HORMAD2: variants seen among roughly 807,000 people sequenced by gnomAD.
HORMAD2 encodes HORMA domain containing 2, also known as HORMA domain-containing protein 2.
In HORMAD2, 45 loss-of-function variants were observed where a neutral mutation model predicts 38.8. The observed-to-expected ratio is 1.16, with a 90% CI of 0.91 to 1.49. The LOEUF (loss-of-function observed/expected upper bound fraction) is 1.49. Ranked by LOEUF, HORMAD2 falls within the 40% of genes most tolerant of loss-of-function variation. The pLI is 0.00. For missense variants in HORMAD2, 338 were observed against 367.0 expected (o/e 0.92, Z 0.65); for synonymous variants, 126 against 122.8 (o/e 1.03, Z -0.17).
chr22:30,178,203 A>G (rs1410686224), downstream of HORMAD2, among the ~76,000 whole-genome samples: 1 of 152,242 alleles, frequency 6.6e-6, no homozygotes, highest in East Asian at 1.9e-4. Flanking sequence ...CATAATCTGT[A>G]TTTGTGATAG....
Position 30,176,045 on chromosome 22 carries a change from C to T in HORMAD2, c.820-18C>T, listed in dbSNP as rs777029265. On this transcript the variant is annotated intron_variant, in intron 10 of 10. Transcript: ENST00000336726. ...AAAATCTCTGCTGAATTGTGCCTCT[C>T]TCTGGTGATTCTCACAGATTCAAAG... 49 of 1,548,212 alleles carry T rather than the reference C, an allele frequency of 3.2e-5. 1 individual carries two copies. The South Asian group carries it at 5.5e-4, about 17-fold the overall frequency.
chr22:30,125,175 T>C (rs1164035233), intron 10 of HORMAD2, among the ~76,000 whole-genome samples: 4 of 151,448 alleles, frequency 2.6e-5, no homozygotes, highest in Non-Finnish European at 5.9e-5. Context: ...GCAATATTTT[T>C]TTCATGTTTG....
Position 30,127,623 on chromosome 22 carries a change from G to A in HORMAD2, c.819+5409G>A, listed in dbSNP as rs564222959. On this transcript the variant is annotated intron_variant, in intron 10 of 10. Coordinates refer to ENST00000336726, the MANE Select transcript of HORMAD2 (RefSeq NM_152510.4). ...CTCCTCAAGTGCTGGGATTATAGGC[G>A]TGAGCCATCACGCCTGGCACATCTT... Among the ~76,000 whole-genome samples the A allele has an allele frequency of 8.1e-4, 124 of 152,320 alleles. 1 individual carries two copies. The highest frequency in any genetic ancestry group is 4.3e-3 in the South Asian group (21 of 4,830).
intron 10 of HORMAD2, among the ~76,000 whole-genome samples, chr22:30,169,984 G>A (rs372535030): frequency 1.3e-4 from 20 of 152,146 alleles, no homozygotes; most frequent in South Asian, 2.1e-4. Flanking sequence ...CTTCATTTAC[G>A]TTAATAGCAT....
intron 10 of HORMAD2, among the ~76,000 whole-genome samples, chr22:30,123,462 G>A (rs999324918): frequency 6.6e-6 from 1 of 151,940 alleles, no homozygotes; most frequent in African/African-American, 2.4e-5. Context: ...TCGAGTAGCT[G>A]GGACTATAGG....
At chr22:30,154,411 G>C (rs1377609134) in intron 10 of HORMAD2, among the ~76,000 whole-genome samples, 1 of 152,116 alleles carries the variant, frequency 6.6e-6, no homozygotes, top group Non-Finnish European at 1.5e-5. Flanking sequence ...TATCACTCCT[G>C]TATACTGTAC....
At chr22:30,092,615 A>G (rs1485884975) in intron 1 of HORMAD2, among the ~76,000 whole-genome samples, 2 of 152,072 alleles carry the variant, frequency 1.3e-5, no homozygotes, top group African/African-American at 2.4e-5. Context: ...CCTGTGTTTT[A>G]TAATTTTGAG....
At chr22:30,110,488 C>A (rs2046788909) in intron 5 of HORMAD2, among the ~76,000 whole-genome samples, 1 of 149,870 alleles carries the variant, frequency 6.7e-6, no homozygotes, top group Admixed American at 6.7e-5. Context: ...CAGGTTCAAG[C>A]AATTCTCCTG....
chr22:30,200,991 C>T, the HORMAD2 span, among the ~76,000 whole-genome samples: 1 of 152,050 alleles, frequency 6.6e-6, no homozygotes, highest in Non-Finnish European at 1.5e-5. Context: ...CTCAGGTGAT[C>T]CGCCCACCTC....
At chr22:30,135,624 C>G (rs1438712633) in intron 10 of HORMAD2, among the ~76,000 whole-genome samples, 1 of 152,238 alleles carries the variant, frequency 6.6e-6, no homozygotes, top group Admixed American at 6.5e-5. Flanking sequence ...CTTAACAATT[C>G]CCAGAGCTCT....
chr22:30,125,836 T>C (rs972108512), intron 10 of HORMAD2, among the ~76,000 whole-genome samples: 21 of 152,172 alleles, frequency 1.4e-4, no homozygotes, highest in Non-Finnish European at 2.9e-5. Flanking sequence ...TCAATAAATA[T>C]TCACAAACTG....
chr22:30,126,216 T>C (rs1253314133), intron 10 of HORMAD2, among the ~76,000 whole-genome samples: 1 of 151,812 alleles, frequency 6.6e-6, no homozygotes, highest in East Asian at 1.9e-4. Context: ...CAGGCTGGAG[T>C]GCAGTGGTGC....
the HORMAD2 span, among the ~76,000 whole-genome samples, chr22:30,197,622 A>C: frequency 6.6e-6 from 1 of 152,212 alleles, no homozygotes; most frequent in African/African-American, 2.4e-5. Context: ...AATCTCAGAT[A>C]CAATTACTTT....
intron 8 of HORMAD2, among the ~76,000 whole-genome samples, chr22:30,119,368 A>G (rs575532172): frequency 6.6e-6 from 1 of 152,338 alleles, no homozygotes; most frequent in Admixed American, 6.5e-5. Context: ...ATGCCTAGAT[A>G]GCGATCCTTT....
intron 10 of HORMAD2, among the ~76,000 whole-genome samples, chr22:30,125,376 G>C (rs1601546246): frequency 6.6e-6 from 1 of 151,414 alleles, no homozygotes; most frequent in South Asian, 2.1e-4. Context: ...TTACAGGCAT[G>C]TGCCACCACA....
chr22:30,140,220 C>T (rs920565040), intron 10 of HORMAD2, among the ~76,000 whole-genome samples: 9 of 151,798 alleles, frequency 5.9e-5, no homozygotes, highest in East Asian at 1.9e-4. Flanking sequence ...GCTGAGATAG[C>T]GCCAGTGCAC....
In HORMAD2 at chr22:30,084,941, C is replaced by T. The variant is rs950039200; in HGVS notation, c.-38+4450C>T. 7.2e-5 allele frequency among the ~76,000 whole-genome samples: 11 copies of T among 151,936 alleles called. No individual in the cohort carries two copies. The South Asian group carries it at 1.2e-3, about 17-fold the overall frequency. ...CGGGCGGATCATGAGGTCAGGAGTTCGAGACCATCGTCGCTAACATGGTGA... is the reference window on the plus strand; with the variant it reads ...CGGGCGGATCATGAGGTCAGGAGTTTGAGACCATCGTCGCTAACATGGTGA... On this transcript the variant is annotated intron_variant, in intron 1 of 10. Transcript: ENST00000336726.
chr22:30,205,371 G>A, the HORMAD2 span, among the ~76,000 whole-genome samples: 32 of 152,264 alleles, frequency 2.1e-4, 1 homozygote, highest in South Asian at 6.4e-3. Context: ...CTGCAGTCAG[G>A]GAGCCAGAAC....
chr22:30,150,774 C>T (rs932387344), intron 10 of HORMAD2, among the ~76,000 whole-genome samples: 4 of 152,230 alleles, frequency 2.6e-5, no homozygotes, highest in Non-Finnish European at 4.4e-5. Flanking sequence ...GACTGAGGGT[C>T]TCTGCATTCA....
Sources: allele counts gnomAD v4.1 joint callset (sites outside exome capture counted in the v4.1 genomes callset), GRCh38; gene constraint gnomAD v4.1.1; transcripts MANE v1.5; gene names NCBI Gene and HGNC (gene_info 2026-07-23, HGNC 2026-07-21).